Variants in DYNC1H1 observed in about 807,000 individuals in gnomAD.
DYNC1H1 encodes the protein dynein cytoplasmic 1 heavy chain 1, also known as cytoplasmic dynein 1 heavy chain 1.
DYNC1H1 carries 51 observed loss-of-function variants against 527.1 expected under a neutral mutation model. That is an observed-to-expected ratio of 0.10 (90% CI 0.08 to 0.12). The LOEUF is 0.12. Ranked by LOEUF, DYNC1H1 falls within the 10% of genes least tolerant of loss-of-function variation. The probability of loss-of-function intolerance (pLI) is 1.00; values close to 1 mark genes in which losing one functional copy is unlikely to be tolerated. For missense variants in DYNC1H1, 2,771 were observed against 5,971.8 expected (o/e 0.46, Z 17.66); for synonymous variants, 2,189 against 2,278.8 (o/e 0.96, Z 1.12).
At chr14:102,031,473 G>A (rs977263550) in intron 51 of DYNC1H1, among the ~76,000 whole-genome samples, 4 of 152,086 alleles carry the variant, frequency 2.6e-5, no homozygotes, top group African/African-American at 7.2e-5. Flanking sequence ...GGGCTCAAGC[G>A]ATCCACCTGC....
chr14:102,028,128 A>T lies in DYNC1H1; in HGVS notation c.9455A>T (p.Gln3152Leu). The T allele has an allele frequency of 6.2e-7, 1 of 1,614,104 alleles. No individual in the cohort carries two copies. Among genetic ancestry groups the T allele is most frequent in the East Asian group, 2.2e-5 (1 of 44,890 alleles). ...AIVNSCVFVHQTLHQANARLA... is the reference protein window; with the variant it reads ...AIVNSCVFVHLTLHQANARLA... Reference sequence around the variant, plus strand: ...GTGAACAGCTGTGTGTTTGTTCATCAGACTCTTCACCAGGTGGGTTCAGTT... The same window carrying T: ...GTGAACAGCTGTGTGTTTGTTCATCTGACTCTTCACCAGGTGGGTTCAGTT... Residue 3152 changes from glutamine to leucine, a missense_variant, in exon 48 of 78, where the codon CAG becomes CTG. This residue lies in a region of DYNC1H1 where 67 missense variants were observed against 128.2 expected (regional missense o/e 0.52). Coordinates refer to ENST00000360184, the MANE Select transcript of DYNC1H1 (RefSeq NM_001376.5).
chr14:101,992,042 T>C (rs1206039148), intron 11 of DYNC1H1, among the ~76,000 whole-genome samples: 1 of 150,126 alleles, frequency 6.7e-6, no homozygotes, highest in African/African-American at 2.5e-5. Context: ...GTGGACAATG[T>C]TATTTATATT....
rs1166749863 is a variant in DYNC1H1 at position 102,050,544 on chromosome 14, C to G, written c.13922C>G (p.Ala4641Gly). ...DPRSFYERGVAVLCTE is the reference protein window; with the variant it reads ...DPRSFYERGVGVLCTE Reference sequence around the variant, plus strand: ...CGCAGCTTCTACGAGCGGGGTGTCGCAGTCTTGTGCACAGAGTAAACTTTT... The same window carrying G: ...CGCAGCTTCTACGAGCGGGGTGTCGGAGTCTTGTGCACAGAGTAAACTTTT... The change falls in exon 78 of 78, where the codon GCA becomes GGA. Residue 4641 changes from alanine to glycine, a missense_variant. Physicochemically the swap from Ala to Gly is moderately conservative, Grantham distance 60. Coordinates refer to ENST00000360184, the MANE Select transcript of DYNC1H1 (RefSeq NM_001376.5). 1.9e-6 allele frequency: 3 copies of G among 1,614,132 alleles called. No homozygotes were observed. The highest frequency in any genetic ancestry group is 2.5e-6 in the Non-Finnish European group (3 of 1,180,054).
intron 1 of DYNC1H1, among the ~76,000 whole-genome samples, chr14:101,971,179 C>T (rs1595593704): frequency 6.8e-6 from 1 of 147,328 alleles, no homozygotes; most frequent in African/African-American, 2.5e-5. Context: ...CTCACTGCAG[C>T]CTCGGTCTCC....
At chr14:101,982,879 G>A (rs762139656) in intron 5 of DYNC1H1, 140 bp from the exon 6 acceptor site, 39 of 1,046,252 alleles carry the variant, frequency 3.7e-5, no homozygotes, top group Non-Finnish European at 5.3e-5. Flanking sequence ...TTAATAACGT[G>A]TTGTTTTTTC....
chr14:102,028,132 T>C lies in DYNC1H1; in HGVS notation c.9459T>C (p.Thr3153=). 6.2e-7 allele frequency: 1 copy of C among 1,614,038 alleles called. No homozygotes were observed. Among genetic ancestry groups the C allele is most frequent in the Non-Finnish European group, 8.5e-7 (1 of 1,179,918 alleles). The change falls in exon 48 of 78, where the codon ACT becomes ACC. Residue 3153 remains threonine, a synonymous_variant. Transcript: ENST00000360184. ...IVNSCVFVHQ[T]LHQANARLAK... The stretch of plus-strand genomic sequence containing the variant: ...ACAGCTGTGTGTTTGTTCATCAGAC[T>C]CTTCACCAGGTGGGTTCAGTTTTGA...
At chr14:102,013,759 G>C (rs1013072587) in intron 34 of DYNC1H1, among the ~76,000 whole-genome samples, 15 of 152,212 alleles carry the variant, frequency 9.9e-5, no homozygotes, top group Non-Finnish European at 5.9e-5. Context: ...AGAATGAAGA[G>C]GGCAGGGTGA....
chr14:102,042,595 A>C lies in DYNC1H1; in HGVS notation c.12400-40A>C. The C allele has an allele frequency of 6.2e-7, 1 of 1,613,944 alleles. No individual in the cohort carries two copies. The highest frequency in any genetic ancestry group is 8.5e-7 in the Non-Finnish European group (1 of 1,179,948). ...GTGGTGGAATTGAACAGGCGCCCTC[A>C]TCCACACCCGAGCATAACTGGAACG... On this transcript the variant is annotated intron_variant, in intron 68 of 77. Transcript: ENST00000360184. This position sits in a 1 kb window ranked among gnomAD's most constrained non-coding sequence, Gnocchi z 5.7.
At position 102,011,621 on chromosome 14, in the gene DYNC1H1, A is replaced by G. The variant is rs2048259333; in HGVS notation, c.6619-254A>G. The G allele has an allele frequency of 2.0e-6, 1 of 503,874 alleles. No individual in the cohort carries two copies. Among genetic ancestry groups the G allele is most frequent in the East Asian group, 3.7e-5 (1 of 27,216 alleles). 31.2% of individuals were successfully genotyped at this position (503,874 alleles called of 1,614,324 possible). On this transcript the variant is annotated intron_variant, in intron 32 of 77. Coordinates refer to ENST00000360184, the MANE Select transcript of DYNC1H1 (RefSeq NM_001376.5). The surrounding 1 kb of genome is among the most constrained non-coding windows in gnomAD (Gnocchi z 5.3). ...TACTTGCCTTTAATAATCCATAGAT[A>G]GGCGCTTGTAAAGCCAGCTACTTGG... is the stretch of plus-strand genomic sequence containing the variant.
chr14:102,025,762 C>T (rs781192033), intron 43 of DYNC1H1, among the ~76,000 whole-genome samples: 44 of 152,092 alleles, frequency 2.9e-4, no homozygotes, highest in Non-Finnish European at 4.7e-4. Flanking sequence ...GCATAGGTAT[C>T]CGTTAGTTGT....
Position 102,009,906 on chromosome 14 carries a change from T to C in DYNC1H1, c.6041T>C (p.Ile2014Thr). Residue 2014 changes from isoleucine (I) to threonine (T), a missense_variant, in exon 30 of 78, where the codon ATC becomes ACC. This residue lies in a region of DYNC1H1 where 39 missense variants were observed against 38.8 expected (regional missense o/e 1.00). Coordinates refer to ENST00000360184, the MANE Select transcript of DYNC1H1 (RefSeq NM_001376.5). ...GTCAAGGTGAGCCCGGACATGGCCA[T>C]CTTCATCACCATGAACCCTGGCTAC... ...KQVKVSPDMAIFITMNPGYAG... is the reference protein window; with the variant it reads ...KQVKVSPDMATFITMNPGYAG... 1 of 1,614,132 alleles carries C rather than the reference T, an allele frequency of 6.2e-7. No individual in the cohort carries two copies.
At chr14:101,966,620 T>G (rs2047671179) in intron 1 of DYNC1H1, among the ~76,000 whole-genome samples, 2 of 152,208 alleles carry the variant, frequency 1.3e-5, no homozygotes, top group Admixed American at 1.3e-4. Flanking sequence ...TTTTTAAAGT[T>G]AATTGTATTT....
chr14:101,985,026 C>T lies in DYNC1H1; in HGVS notation c.1462-661C>T, dbSNP rs1043801225. On this transcript the variant is annotated intron_variant, in intron 7 of 77. Coordinates refer to ENST00000360184, the MANE Select transcript of DYNC1H1 (RefSeq NM_001376.5). This position sits in a 1 kb window ranked among gnomAD's most constrained non-coding sequence, Gnocchi z 5.9. ...AGCTCCTGACCGCAAGTGATCCACCCGCCCCGGCCTCCCGAAGTGCTGGGA... is the reference window on the plus strand; with the variant it reads ...AGCTCCTGACCGCAAGTGATCCACCTGCCCCGGCCTCCCGAAGTGCTGGGA... Among the ~76,000 whole-genome samples, 17 of 151,774 alleles carry T rather than the reference C, an allele frequency of 1.1e-4. No homozygotes were observed. Among genetic ancestry groups the T allele is most frequent in the Non-Finnish European group, 1.8e-4 (12 of 67,964 alleles).
In DYNC1H1 at chr14:101,994,270, A is replaced by G. The variant is rs760943586; in HGVS notation, c.3102A>G (p.Glu1034=). 6.2e-7 allele frequency: 1 copy of G among 1,614,220 alleles called. No individual in the cohort carries two copies. Among genetic ancestry groups the G allele is most frequent in the South Asian group, 1.1e-5 (1 of 91,092 alleles). The change falls in exon 12 of 78, where the codon GAA becomes GAG. Residue 1034 remains glutamate, a synonymous_variant. Coordinates refer to ENST00000360184, the MANE Select transcript of DYNC1H1 (RefSeq NM_001376.5). ...TGCCTGATGGCCCTGTTGCCCTGGA[A>G]GAGTCGTATTCTGCTGTCATGGGCA... ...TRMPDGPVAL[E]ESYSAVMGIV...
intron 48 of DYNC1H1, chr14:102,028,345 C>T: frequency 3.7e-6 from 2 of 547,464 alleles, no homozygotes; most frequent in Non-Finnish European, 6.5e-6. Context: ...GACCCCATCT[C>T]TACAAAAAAT....
At position 102,027,614 on chromosome 14, in the gene DYNC1H1, C is replaced by A; in HGVS notation, c.9049-5C>A. On this transcript the variant is annotated splice_polypyrimidine_tract_variant and splice_region_variant and intron_variant, in intron 46 of 77. Transcript: ENST00000360184. This position sits in a 1 kb window ranked among gnomAD's most constrained non-coding sequence, Gnocchi z 7.7. ...CCAGTAAGTCAGCACTGTGCTGTTT[C>A]CCAGGTGCCTGGTCTCTTTGAAGGA... is the stretch of plus-strand genomic sequence containing the variant. 3 of 1,614,112 alleles carry A rather than the reference C, an allele frequency of 1.9e-6. No individual in the cohort carries two copies. The highest frequency in any genetic ancestry group is 1.1e-5 in the South Asian group (1 of 91,072).
chr14:101,996,734 A>G lies in DYNC1H1; in HGVS notation c.3565-301A>G, dbSNP rs199836889. ...TCTCCCGGGCTCAAACAATCCTCCC[A>G]CCTCAGTCTCTTGAGTAGCTGGGAC... On this transcript the variant is annotated intron_variant, in intron 15 of 77. Transcript: ENST00000360184. 4.0e-5 allele frequency among the ~76,000 whole-genome samples: 6 copies of G among 151,450 alleles called. No homozygotes were observed. The East Asian group carries it at 1.2e-3, about 30-fold the overall frequency.
chr14:101,991,531 T>C lies in DYNC1H1; in HGVS notation c.2873T>C (p.Val958Ala). 6.2e-7 allele frequency: 1 copy of C among 1,614,228 alleles called. No homozygotes were observed. Among genetic ancestry groups the C allele is most frequent in the Non-Finnish European group, 8.5e-7 (1 of 1,180,036 alleles). ...AATGAAACCTTTCTTTCACAGAATGTCGTTCATGAGCTAAGAATAACCAAT... is the reference window on the plus strand; with the variant it reads ...AATGAAACCTTTCTTTCACAGAATGCCGTTCATGAGCTAAGAATAACCAAT... ...KPGGEPKIKNVVHELRITNQV... is the reference protein window; with the variant it reads ...KPGGEPKIKNAVHELRITNQV... The change falls in exon 11 of 78, where the codon GTC becomes GCC. Residue 958 changes from valine (V) to alanine (A), a missense_variant. This residue lies in a region of DYNC1H1 where 179 missense variants were observed against 349.4 expected (regional missense o/e 0.51). Transcript: ENST00000360184.
rs144352110 is a variant in DYNC1H1 at position 101,973,359 on chromosome 14, C to G, written c.257-2353C>G. ...ATTTTTAGTAGGTATAGGGTTTCAC[C>G]ATGTTGGCCAGGCTGGTATTGAACT... On this transcript the variant is annotated intron_variant, in intron 1 of 77. Transcript: ENST00000360184. 5.4e-3 allele frequency among the ~76,000 whole-genome samples: 829 copies of G among 152,140 alleles called. 17 individuals carry two copies. The highest frequency in any genetic ancestry group is 0.036 in the East Asian group (187 of 5,170).
Sources: allele counts gnomAD v4.1 joint callset (sites outside exome capture counted in the v4.1 genomes callset), GRCh38; gene constraint gnomAD v4.1.1; regional missense constraint gnomAD v4.1.1; non-coding constraint Gnocchi (gnomAD v3.1); transcripts MANE v1.5; gene names NCBI Gene and HGNC (gene_info 2026-07-23, HGNC 2026-07-21).